Variants in RGS12 observed in about 807,000 individuals in gnomAD.
RGS12 encodes the protein regulator of G-protein signaling 12.
RGS12 carries 66 observed loss-of-function variants against 120.1 expected under a neutral mutation model. The ratio of observed to expected loss-of-function variants is 0.55; its 90% CI spans 0.45 to 0.67. The LOEUF is 0.67. Ranked by LOEUF, RGS12 falls within the 30% of genes least tolerant of loss-of-function variation. The pLI is 0.00. For synonymous variants in RGS12, 827 were observed against 804.7 expected (o/e 1.03, Z -0.47); for missense variants, 1,859 against 1,957.7 (o/e 0.95, Z 0.95).
intron 17 of RGS12, among the ~76,000 whole-genome samples, chr4:3,434,804 AC>A (rs1340631566): frequency 6.6e-6 from 1 of 152,164 alleles, no homozygotes; most frequent in Non-Finnish European, 1.5e-5. Flanking sequence ...TTCGTTTCCA[AC>A]AAAAAGCCCG....
chr4:3,409,475 A>T (rs1721503408), intron 4 of RGS12, among the ~76,000 whole-genome samples: 1 of 152,236 alleles, frequency 6.6e-6, no homozygotes, highest in East Asian at 1.9e-4. Context: ...TTCACTCAGA[A>T]TTTATATCAG....
In RGS12 at chr4:3,428,088, A is replaced by C. The variant is rs200283492; in HGVS notation, c.3332-2A>C. 1.9e-6 allele frequency: 3 copies of C among 1,613,054 alleles called. No individual in the cohort carries two copies. In the Admixed American group the frequency reaches 5.0e-5, roughly 27 times the overall value. ...GAAGTCATAAAGCTTTCTTATGTTT[A>C]GCATCCGCAGATAAACAGAAAGGTG... On this transcript the variant is annotated splice_acceptor_variant, in intron 14 of 17. Coordinates refer to ENST00000336727, the MANE Select transcript of RGS12 (RefSeq NM_001394154.1). LOFTEE classifies it high-confidence loss of function.
intron 3 of RGS12, chr4:3,386,084 T>A: frequency 2.9e-6 from 1 of 345,970 alleles, no homozygotes; most frequent in Non-Finnish European, 5.3e-6. Context: ...CCCCAGTGTG[T>A]GTGTCACTTA....
At chr4:3,300,690 G>T (rs1166772733) in intron 1 of RGS12, among the ~76,000 whole-genome samples, 1 of 152,168 alleles carries the variant, frequency 6.6e-6, no homozygotes. Flanking sequence ...GCATTGCTAG[G>T]CTTGTGTTTG....
chr4:3,423,525 G>A lies in RGS12; in HGVS notation c.3118G>A (p.Val1040Ile), dbSNP rs747761854. Reference sequence around the variant, plus strand: ...TTCATCCCCCACCAGGCTGGATCTTGTTCCGATTAACCGGTCAGTGGGACT... The same window carrying A: ...TTCATCCCCCACCAGGCTGGATCTTATTCCGATTAACCGGTCAGTGGGACT... ...EKRTLFRLDL[V>I]PINRSVGLKA... is the part of the protein sequence containing the mutation. The change falls in exon 13 of 18, where the codon GTT becomes ATT. Residue 1040 changes from valine (V) to isoleucine (I), a missense_variant. By Grantham distance (29) the Val-to-Ile change is conservative (BLOSUM62 3). Around this residue, in one of 3 missense-constraint regions of RGS12, gnomAD observed 375 missense variants for 475.0 expected, o/e 0.79. Transcript: ENST00000336727. 12 of 1,613,064 alleles carry A rather than the reference G, an allele frequency of 7.4e-6. No individual in the cohort carries two copies. The highest frequency in any genetic ancestry group is 1.3e-5 in the African/African-American group (1 of 74,938).
At chr4:3,286,841 C>A in the RGS12 span, among the ~76,000 whole-genome samples, 1 of 152,212 alleles carries the variant, frequency 6.6e-6, no homozygotes, top group Non-Finnish European at 1.5e-5. Context: ...GCCCTTAGTG[C>A]GCTGCTAGGC....
In RGS12 at chr4:3,342,456, A is replaced by G. The variant is rs940121683; in HGVS notation, c.1882-481A>G. The G allele has an allele frequency of 4.7e-6, 6 of 1,286,408 alleles. No individual in the cohort carries two copies. In the African/African-American group the frequency reaches 9.1e-5, roughly 20 times the overall value. The allele number at this position is 1,286,408 out of a possible 1,614,324, so 79.7% of individuals were successfully genotyped here. On this transcript the variant is annotated intron_variant, in intron 2 of 17. Coordinates refer to ENST00000336727, the MANE Select transcript of RGS12 (RefSeq NM_001394154.1). ...GGAGTTGGTTGGGTCTTCAGACACC[A>G]GCTGAATGCTTAGGGATTCTTTCAT... is the stretch of plus-strand genomic sequence containing the variant.
At chr4:3,401,478 C>T (rs1010562501) in intron 4 of RGS12, among the ~76,000 whole-genome samples, 1 of 152,208 alleles carries the variant, frequency 6.6e-6, no homozygotes, top group Non-Finnish European at 1.5e-5. Context: ...TCAGCATAGA[C>T]GCATAGTTAT....
At chr4:3,295,604 G>A (rs528002712) in intron 1 of RGS12, among the ~76,000 whole-genome samples, 1 of 146,732 alleles carries the variant, frequency 6.8e-6, no homozygotes, top group Admixed American at 6.9e-5. Context: ...AGGTTGCGGT[G>A]AGCCAAGATT....
chr4:3,402,232 A>G (rs1720660509), intron 4 of RGS12, among the ~76,000 whole-genome samples: 1 of 152,262 alleles, frequency 6.6e-6, no homozygotes. Context: ...AATTATGTGA[A>G]GTCATCACAG....
Position 3,422,372 on chromosome 4 carries a change from C to T in RGS12, c.2839-4C>T, listed in dbSNP as rs1723108970. On this transcript the variant is annotated splice_region_variant and splice_polypyrimidine_tract_variant and intron_variant, in intron 10 of 17. Transcript: ENST00000336727. ...TCACGGCTGCTTGTCTCGCTGCTCC[C>T]CAGTCGGAGGCCTGCAGGACTTTGG... is the stretch of plus-strand genomic sequence containing the variant. The T allele has an allele frequency of 1.2e-6, 2 of 1,608,790 alleles. No homozygotes were observed. Among genetic ancestry groups the T allele is most frequent in the East Asian group, 4.5e-5 (2 of 44,730 alleles).
chr4:3,432,145 C>T (rs1351968248), intron 17 of RGS12: 4 of 985,466 alleles, frequency 4.1e-6, no homozygotes, highest in African/African-American at 3.5e-5. Context: ...TCTGTTCTTC[C>T]AGGAGTAATA....
At chr4:3,410,478 CT>C (rs66599714) in intron 4 of RGS12, among the ~76,000 whole-genome samples, 41,009 of 152,156 alleles carry the variant, frequency 0.27, 5,807 homozygotes, top group East Asian at 0.47. Flanking sequence ...TATTCTGTGC[CT>C]TTGGGGGGGC....
At chr4:3,431,223 G>A in intron 17 of RGS12, 1 of 1,334,760 alleles carries the variant, frequency 7.5e-7, no homozygotes, top group Non-Finnish European at 9.6e-7. Flanking sequence ...AATGATACGT[G>A]GCAGTGCCTG....
intron 3 of RGS12, among the ~76,000 whole-genome samples, chr4:3,354,300 T>A (rs900355642): frequency 6.6e-6 from 1 of 152,210 alleles, no homozygotes; most frequent in Non-Finnish European, 1.5e-5. Flanking sequence ...CTGCCATGTC[T>A]GCCTTCTGGC....
In RGS12 at chr4:3,417,498, C is replaced by T. The variant is rs528592134; in HGVS notation, c.2718C>T (p.Thr906=). The T allele has an allele frequency of 3.0e-5, 48 of 1,613,264 alleles. No homozygotes were observed. Among genetic ancestry groups the T allele is most frequent in the Admixed American group, 1.7e-4 (10 of 60,008 alleles). The stretch of plus-strand genomic sequence containing the variant: ...TCTCGTGGTCGCGGACCAGGAGCAC[C>T]GGGAGGTCCCAGAAAAAGAGGGAGC... ...AFFSWSRTRS[T]GRSQKKREHG... is the part of the protein sequence containing the mutation. The change falls in exon 9 of 18, where the codon ACC becomes ACT. Residue 906 remains threonine (T), a synonymous_variant. Transcript: ENST00000336727.
intron 17 of RGS12, among the ~76,000 whole-genome samples, chr4:3,437,500 A>G (rs1163203120): frequency 6.6e-6 from 1 of 152,132 alleles, no homozygotes; most frequent in East Asian, 1.9e-4. Flanking sequence ...CTCTCCCCAC[A>G]CGATATCTCC....
chr4:3,416,925 A>T lies in RGS12; in HGVS notation c.2440A>T (p.Met814Leu). The change falls in exon 8 of 18, where the codon ATG becomes TTG. Residue 814 changes from methionine (M) to leucine (L), a missense_variant. Met to Leu is a conservative substitution (Grantham distance 15). Coordinates refer to ENST00000336727, the MANE Select transcript of RGS12 (RefSeq NM_001394154.1). Reference protein sequence around the residue: ...KEQQLQIFNLMKFDSYTRFLK... With the variant: ...KEQQLQIFNLLKFDSYTRFLK... ...ATCTTCTCCCCAGATCTTCAATCTC[A>T]TGAAGTTTGATAGCTACACTCGCTT... The T allele has an allele frequency of 6.2e-7, 1 of 1,601,966 alleles. No individual in the cohort carries two copies. Among genetic ancestry groups the T allele is most frequent in the Non-Finnish European group, 8.5e-7 (1 of 1,170,614 alleles).
intron 5 of RGS12, 71 bp from the exon 6 acceptor site, chr4:3,414,681 T>C: frequency 8.9e-7 from 1 of 1,117,422 alleles, no homozygotes. Context: ...CCGTGGTTTC[T>C]GTAGAAGGGG....
Sources: gnomAD v4.1 joint callset for allele counts (sites outside exome capture counted in the v4.1 genomes callset) on GRCh38, gnomAD v4.1.1 for gene constraint, gnomAD v4.1.1 regional missense constraint, MANE v1.5 for transcripts, NCBI Gene and HGNC (gene_info 2026-07-23, HGNC 2026-07-21) for gene names.